The following SPAG16 variants were observed in gnomAD, a reference collection of about 807,000 sequenced individuals.
SPAG16 encodes sperm-associated antigen 16 protein.
Under a neutral mutation model 80.4 loss-of-function variants are expected in SPAG16, and 86 were observed. The ratio of observed to expected loss-of-function variants is 1.07; its 90% CI spans 0.90 to 1.28. SPAG16 has a LOEUF of 1.28. Ranked by LOEUF, SPAG16 falls within the 50% of genes most tolerant of loss-of-function variation. The pLI is 0.00. For synonymous variants in SPAG16, 294 were observed against 265.9 expected (o/e 1.11, Z -1.03); for missense variants, 870 against 765.3 (o/e 1.14, Z -1.61).
intron 10 of SPAG16, among the ~76,000 whole-genome samples, chr2:213,543,282 T>A (rs1456282841): frequency 1.3e-5 from 2 of 152,048 alleles, no homozygotes; most frequent in Non-Finnish European, 2.9e-5. Flanking sequence ...ATTTCTCTAT[T>A]AGACTCTCAG....
intron 12 of SPAG16, among the ~76,000 whole-genome samples, chr2:214,006,651 C>T (rs2047038660): frequency 1.3e-5 from 2 of 152,170 alleles, no homozygotes; most frequent in African/African-American, 4.8e-5. Flanking sequence ...TGGAAATGTA[C>T]AAATCATTTT....
chr2:214,357,572 C>G (rs1447886696), intron 15 of SPAG16, among the ~76,000 whole-genome samples: 1 of 151,846 alleles, frequency 6.6e-6, no homozygotes, highest in African/African-American at 2.4e-5. Context: ...TAAAATGTGA[C>G]TAGACATTTG....
intron 10 of SPAG16, among the ~76,000 whole-genome samples, chr2:213,767,451 T>G (rs1575080982): frequency 1.3e-5 from 2 of 152,048 alleles, no homozygotes; most frequent in East Asian, 3.9e-4. Flanking sequence ...GAGGATCACT[T>G]GAGCCCAGGA....
At position 213,395,894 on chromosome 2, in the gene SPAG16, T is replaced by C. The variant is rs576858100; in HGVS notation, c.942+20775T>C. ...TTTTTCATGTAGAGTATAGTAGGAATCCAGTTTCACTTTGTTTTATTCAGA... is the reference window on the plus strand; with the variant it reads ...TTTTTCATGTAGAGTATAGTAGGAACCCAGTTTCACTTTGTTTTATTCAGA... On this transcript the variant is annotated intron_variant, in intron 9 of 15. Transcript: ENST00000331683. Among the ~76,000 whole-genome samples the C allele has an allele frequency of 9.8e-5, 15 of 152,370 alleles. 1 individual carries two copies. The highest frequency in any genetic ancestry group is 1.9e-4 in the Non-Finnish European group (13 of 68,034).
chr2:213,769,267 T>C (rs1469307833), intron 10 of SPAG16, among the ~76,000 whole-genome samples: 1 of 152,190 alleles, frequency 6.6e-6, no homozygotes, highest in African/African-American at 2.4e-5. Flanking sequence ...CTCCTCCTTT[T>C]ATATATCAGT....
At chr2:213,444,552 G>A (rs1421901158) in intron 9 of SPAG16, among the ~76,000 whole-genome samples, 1 of 152,090 alleles carries the variant, frequency 6.6e-6, no homozygotes, top group Non-Finnish European at 1.5e-5. Context: ...TTTATATTTT[G>A]ATAGGGATTG....
intron 10 of SPAG16, among the ~76,000 whole-genome samples, chr2:213,839,465 A>G (rs1409421911): frequency 6.6e-6 from 1 of 152,220 alleles, no homozygotes; most frequent in African/African-American, 2.4e-5. Context: ...CTACCATATC[A>G]ATAGACTTTC....
chr2:213,554,496 C>T (rs1294709731), intron 10 of SPAG16, among the ~76,000 whole-genome samples: 1 of 152,096 alleles, frequency 6.6e-6, no homozygotes, highest in Non-Finnish European at 1.5e-5. Flanking sequence ...GAAAAGAACA[C>T]CATGATCACC....
intron 15 of SPAG16, among the ~76,000 whole-genome samples, chr2:214,314,753 G>GTAGTAGCTAGGTTGAA (rs11274354): frequency 0.32 from 48,811 of 151,988 alleles, 7,873 homozygotes; most frequent in Middle Eastern, 0.37. Context: ...TTTAAAAAAA[G>GTAGTAGCTAGGTTGAA]TGGGTTCACA....
At chr2:214,039,251 G>T (rs1384238516) in intron 13 of SPAG16, among the ~76,000 whole-genome samples, 4 of 152,124 alleles carry the variant, frequency 2.6e-5, no homozygotes, top group Non-Finnish European at 5.9e-5. Flanking sequence ...GGTGTGAGAT[G>T]GTATCTCACT....
At position 213,445,392 on chromosome 2, in the gene SPAG16, C is replaced by T. The variant is rs192144795; in HGVS notation, c.943-44571C>T. On this transcript the variant is annotated intron_variant, in intron 9 of 15. Coordinates refer to ENST00000331683, the MANE Select transcript of SPAG16 (RefSeq NM_024532.5). The stretch of plus-strand genomic sequence containing the variant: ...GACCAACAGATATAGCTGGGCGTGG[C>T]GGCTCATGCCTGTGATCCCAGCACT... 5.5e-4 allele frequency among the ~76,000 whole-genome samples: 84 copies of T among 152,236 alleles called. 3 individuals carry two copies. The East Asian group carries it at 8.3e-3, about 15-fold the overall frequency.
intron 15 of SPAG16, among the ~76,000 whole-genome samples, chr2:214,220,516 A>G (rs1444261820): frequency 6.6e-6 from 1 of 152,082 alleles, no homozygotes; most frequent in East Asian, 1.9e-4. Flanking sequence ...CCCCAACCCA[A>G]AGCCTTCTCA....
chr2:213,550,762 A>T (rs2076756038), intron 10 of SPAG16, among the ~76,000 whole-genome samples: 1 of 152,158 alleles, frequency 6.6e-6, no homozygotes, highest in South Asian at 2.1e-4. Context: ...GGAATAAAAA[A>T]TAGTAAAGCT....
intron 10 of SPAG16, among the ~76,000 whole-genome samples, chr2:213,659,290 A>G (rs1405799664): frequency 6.6e-6 from 1 of 151,426 alleles, no homozygotes; most frequent in South Asian, 2.1e-4. Context: ...CTCTACCAGT[A>G]TTCTGATTCC....
intron 10 of SPAG16, among the ~76,000 whole-genome samples, chr2:213,651,866 C>T (rs1263476400): frequency 2.0e-5 from 3 of 152,012 alleles, no homozygotes; most frequent in Non-Finnish European, 4.4e-5. Context: ...CTTGTAAATT[C>T]AATCATGTGG....
intron 10 of SPAG16, among the ~76,000 whole-genome samples, chr2:213,573,833 A>G (rs1315943207): frequency 6.6e-6 from 1 of 152,230 alleles, no homozygotes; most frequent in Non-Finnish European, 1.5e-5. Flanking sequence ...TTTGGTAACC[A>G]CATGATGATA....
chr2:214,367,988 G>A (rs1574419071), intron 15 of SPAG16, among the ~76,000 whole-genome samples: 1 of 152,052 alleles, frequency 6.6e-6, no homozygotes, highest in Non-Finnish European at 1.5e-5. Flanking sequence ...AGCTTTGAAA[G>A]CTTTTGTGCA....
Position 213,573,420 on chromosome 2 carries a change from T to C in SPAG16, c.1070+83330T>C, listed in dbSNP as rs115146081. Among the ~76,000 whole-genome samples, 120 of 152,332 alleles carry C rather than the reference T, an allele frequency of 7.9e-4. 2 individuals are homozygous for C. The highest frequency in any genetic ancestry group is 3.4e-3 in the Middle Eastern group (1 of 292). On this transcript the variant is annotated intron_variant, in intron 10 of 15. Coordinates refer to ENST00000331683, the MANE Select transcript of SPAG16 (RefSeq NM_024532.5). ...CTGTTATTTAAAAAGAAAACAAAAATAAAACTTTCACCAAAATTGCATTAA... is the reference window on the plus strand; with the variant it reads ...CTGTTATTTAAAAAGAAAACAAAAACAAAACTTTCACCAAAATTGCATTAA...
At chr2:213,336,128 G>A (rs2064348097) in intron 5 of SPAG16, among the ~76,000 whole-genome samples, 1 of 152,206 alleles carries the variant, frequency 6.6e-6, no homozygotes. Context: ...GAGGCGGTGA[G>A]GGATTGTGCT....
Sources: allele counts gnomAD v4.1 joint callset (sites outside exome capture counted in the v4.1 genomes callset), GRCh38; gene constraint gnomAD v4.1.1; transcripts MANE v1.5; gene names NCBI Gene and HGNC (gene_info 2026-07-23, HGNC 2026-07-21).